Variants in TTC28 observed in about 807,000 individuals in gnomAD.
TTC28 encodes tetratricopeptide repeat domain 28.
Under a neutral mutation model 198.0 loss-of-function variants are expected in TTC28, and 61 were observed. The ratio of observed to expected loss-of-function variants is 0.31; its 90% CI spans 0.25 to 0.38. The LOEUF is 0.38. TTC28 is among the 10% of genes least tolerant of loss of function. TTC28 has a pLI of 1.00. For missense variants in TTC28, 2,678 were observed against 3,164.0 expected (o/e 0.85, Z 3.69); for synonymous variants, 1,171 against 1,297.8 (o/e 0.90, Z 2.10).
At chr22:28,615,480 C>T (rs1361484082) in intron 2 of TTC28, among the ~76,000 whole-genome samples, 1 of 152,142 alleles carries the variant, frequency 6.6e-6, no homozygotes, top group Non-Finnish European at 1.5e-5. Flanking sequence ...AATCATGCTG[C>T]TATAAAGACA....
chr22:28,626,798 T>C (rs2051083386), intron 2 of TTC28, among the ~76,000 whole-genome samples: 1 of 152,050 alleles, frequency 6.6e-6, no homozygotes. Context: ...TAAAATGGAC[T>C]ATACAATAAC....
In TTC28 at chr22:28,196,421, A is replaced by C. The variant is rs1408997164; in HGVS notation, c.934-32822T>G. ...AAACACCAAAAGTAATGGCAACAAA[A>C]GCCAAAATTGACAAATGGGATCTAA... On this transcript the variant is annotated intron_variant, in intron 5 of 22. Coordinates refer to ENST00000397906, the MANE Select transcript of TTC28 (RefSeq NM_001145418.2). 3.3e-5 allele frequency among the ~76,000 whole-genome samples: 5 copies of C among 152,306 alleles called. No individual in the cohort carries two copies. The East Asian group carries it at 5.8e-4, about 18-fold the overall frequency.
At chr22:28,060,622 T>C (rs1601574497) in intron 12 of TTC28, among the ~76,000 whole-genome samples, 2 of 152,260 alleles carry the variant, frequency 1.3e-5, no homozygotes, top group Non-Finnish European at 2.9e-5. Flanking sequence ...AGTAATGGGA[T>C]GGCTGGGTCA....
intron 2 of TTC28, among the ~76,000 whole-genome samples, chr22:28,504,206 C>A (rs886962645): frequency 6.6e-6 from 1 of 152,132 alleles, no homozygotes; most frequent in Non-Finnish European, 1.5e-5. Context: ...TGTTCAGTAA[C>A]CTCTTTCAGG....
intron 5 of TTC28, among the ~76,000 whole-genome samples, chr22:28,191,342 G>T (rs1924725479): frequency 6.6e-6 from 1 of 152,226 alleles, no homozygotes; most frequent in African/African-American, 2.4e-5. Flanking sequence ...AACAGCTCCA[G>T]TCTACAGCTC....
chr22:27,996,731 G>A (rs973650702), intron 16 of TTC28, among the ~76,000 whole-genome samples: 7 of 151,920 alleles, frequency 4.6e-5, no homozygotes, highest in Admixed American at 6.6e-5. Context: ...GAGGAGCACC[G>A]CATCCCACCG....
At chr22:28,163,669 A>C (rs762530521) in intron 5 of TTC28, 70 bp from the exon 6 acceptor site, 88 of 1,450,026 alleles carry the variant, frequency 6.1e-5, no homozygotes, top group Non-Finnish European at 7.5e-5. Context: ...TTGGCAGATA[A>C]AATTTTACAG....
intron 12 of TTC28, among the ~76,000 whole-genome samples, chr22:28,057,451 G>T (rs1250019576): frequency 1.3e-5 from 2 of 152,038 alleles, no homozygotes; most frequent in African/African-American, 4.8e-5. Context: ...TCAAGTGTTT[G>T]TTTAAATCTT....
In TTC28 at chr22:28,062,281, G is replaced by A. The variant is rs560172021; in HGVS notation, c.3932+31799C>T. Among the ~76,000 whole-genome samples, 122 of 152,002 alleles carry A rather than the reference G, an allele frequency of 8.0e-4. 1 individual carries two copies. The highest frequency in any genetic ancestry group is 2.3e-3 in the African/African-American group (95 of 41,474). On this transcript the variant is annotated intron_variant, in intron 12 of 22. Coordinates refer to ENST00000397906, the MANE Select transcript of TTC28 (RefSeq NM_001145418.2). ...TCACCATGTTGGTCAGGGTGGTCTC[G>A]AACTCTTGACCTCAAATGATCTGTC...
intron 2 of TTC28, among the ~76,000 whole-genome samples, chr22:28,594,920 T>TG: frequency 6.6e-6 from 1 of 152,300 alleles, no homozygotes; most frequent in South Asian, 2.1e-4. Flanking sequence ...TACTGCCTCC[T>TG]GGGGGTTATA....
chr22:28,586,999 A>T (rs1208478328), intron 2 of TTC28, among the ~76,000 whole-genome samples: 1 of 152,176 alleles, frequency 6.6e-6, no homozygotes, highest in African/African-American at 2.4e-5. Context: ...AGGCGGGCAG[A>T]TCACTTGAGG....
At chr22:28,352,589 C>T (rs552251593) in intron 2 of TTC28, among the ~76,000 whole-genome samples, 4 of 152,246 alleles carry the variant, frequency 2.6e-5, no homozygotes, top group African/African-American at 9.6e-5. Context: ...GACTTAGAGT[C>T]AGTCATTAGC....
intron 12 of TTC28, among the ~76,000 whole-genome samples, chr22:28,051,548 C>G (rs918981745): frequency 1.7e-4 from 26 of 152,152 alleles, no homozygotes; most frequent in African/African-American, 6.0e-4. Flanking sequence ...TTCCCCTTCT[C>G]TCTACCAGAT....
At chr22:28,416,306 CA>C (rs771604849) in intron 2 of TTC28, among the ~76,000 whole-genome samples, 3 of 152,126 alleles carry the variant, frequency 2.0e-5, no homozygotes, top group Non-Finnish European at 4.4e-5. Context: ...TCACCAAAAC[CA>C]TGTATTAATT....
At chr22:28,497,424 A>C (rs2048472241) in intron 2 of TTC28, among the ~76,000 whole-genome samples, 1 of 152,222 alleles carries the variant, frequency 6.6e-6, no homozygotes, top group African/African-American at 2.4e-5. Flanking sequence ...ATAAATACTG[A>C]TTTATTTATT....
chr22:28,353,909 C>G (rs1424246966), intron 2 of TTC28, among the ~76,000 whole-genome samples: 1 of 152,078 alleles, frequency 6.6e-6, no homozygotes, highest in African/African-American at 2.4e-5. Flanking sequence ...ACACAAATGA[C>G]TAACAAGCAA....
intron 1 of TTC28, among the ~76,000 whole-genome samples, chr22:28,647,566 G>A (rs974785246): frequency 3.3e-5 from 5 of 152,236 alleles, no homozygotes; most frequent in African/African-American, 4.8e-5. Flanking sequence ...TGGGCCAGGC[G>A]TGGTGGCTCA....
Position 28,296,308 on chromosome 22 carries a change from G to A in TTC28, c.823C>T (p.Arg275Ter), listed in dbSNP as rs1368303991. The A allele has an allele frequency of 2.6e-6, 4 of 1,543,002 alleles. No individual in the cohort carries two copies. The highest frequency in any genetic ancestry group is 3.5e-6 in the Non-Finnish European group (4 of 1,143,814). Residue 275 changes from arginine (R) to a stop codon, truncating the protein, a stop_gained, in exon 5 of 23, where the codon CGA becomes TGA. Coordinates refer to ENST00000397906, the MANE Select transcript of TTC28 (RefSeq NM_001145418.2). LOFTEE classifies it high-confidence loss of function. Reference sequence around the variant, plus strand: ...GCAGAGCCCAGATTCCCATGAGCTCGGCATTCTCCTGTCTGGTCACCTGGA... The same window carrying A: ...GCAGAGCCCAGATTCCCATGAGCTCAGCATTCTCCTGTCTGGTCACCTGGA... ...KTLGDQTGEC[R>*]AHGNLGSAFF...
chr22:28,255,973 G>A (rs1487675498), intron 5 of TTC28, among the ~76,000 whole-genome samples: 12 of 152,064 alleles, frequency 7.9e-5, no homozygotes, highest in Admixed American at 7.2e-4. Flanking sequence ...TGTTTAATAT[G>A]ACTACATATA....
Sources: allele counts gnomAD v4.1 joint callset (sites outside exome capture counted in the v4.1 genomes callset), GRCh38; gene constraint gnomAD v4.1.1; transcripts MANE v1.5; gene names NCBI Gene and HGNC (gene_info 2026-07-23, HGNC 2026-07-21).